Variants in ENOX2 observed in about 807,000 individuals in gnomAD.
ENOX2 encodes the protein ecto-NOX disulfide-thiol exchanger 2.
Under a neutral mutation model 45.0 loss-of-function variants are expected in ENOX2, and 36 were observed. The observed-to-expected ratio is 0.80, with a 90% CI of 0.61 to 1.06. ENOX2 has a LOEUF of 1.06. Among genes scored for constraint, ENOX2 ranks in the 50% least tolerant of loss-of-function variants. The pLI is 0.00. For synonymous variants in ENOX2, 174 were observed against 152.3 expected (o/e 1.14, Z -1.05); for missense variants, 423 against 462.5 (o/e 0.91, Z 0.78).
chrX:130,841,098 G>A (rs962787236), intron 2 of ENOX2, among the ~76,000 whole-genome samples: 3 of 111,616 alleles, frequency 2.7e-5, no homozygotes, highest in Non-Finnish European at 3.8e-5. Flanking sequence ...GGAGAACACG[G>A]TCCTTTTCCT....
Position 130,816,958 on chromosome X carries a change from A to G in ENOX2, c.-182-33268T>C, listed in dbSNP as rs763563083. Among the ~76,000 whole-genome samples the G allele has an allele frequency of 1.9e-3, 218 of 112,026 alleles. 2 individuals are homozygous for G. Among genetic ancestry groups the G allele is most frequent in the African/African-American group, 6.6e-3 (205 of 30,898 alleles). On this transcript the variant is annotated intron_variant, in intron 2 of 14. Transcript: ENST00000394363. ...TAGAGACACAAAAAAACCCTTCAAAAAGAAAATCAATGAATCCAGGAGCTG... is the reference window on the plus strand; with the variant it reads ...TAGAGACACAAAAAAACCCTTCAAAGAGAAAATCAATGAATCCAGGAGCTG...
At chrX:130,813,739 G>A (rs1365905241) in intron 2 of ENOX2, among the ~76,000 whole-genome samples, 5 of 111,873 alleles carry the variant, frequency 4.5e-5, no homozygotes, top group Admixed American at 1.9e-4. Context: ...CTTTTCCCAC[G>A]GTCTTCACAA....
intron 5 of ENOX2, among the ~76,000 whole-genome samples, chrX:130,682,734 T>C (rs751570893): frequency 9.0e-6 from 1 of 111,150 alleles, no homozygotes; most frequent in South Asian, 3.8e-4. Context: ...TGAGGATTTA[T>C]TTATTTTCCT....
intron 2 of ENOX2, among the ~76,000 whole-genome samples, chrX:130,842,360 T>A (rs1321561560): frequency 1.8e-5 from 2 of 112,537 alleles, no homozygotes; most frequent in Non-Finnish European, 3.8e-5. Flanking sequence ...ATTTATTCTT[T>A]TTATGATAAG....
chrX:130,639,835 A>G (rs1322706728), intron 10 of ENOX2, among the ~76,000 whole-genome samples: 3 of 112,392 alleles, frequency 2.7e-5, no homozygotes, highest in Non-Finnish European at 5.6e-5. Context: ...GGACATAACT[A>G]AGGAAATAAT....
At position 130,665,606 on chromosome X, in the gene ENOX2, T is replaced by TC. The variant is rs760816362; in HGVS notation, c.1014+36dup. On this transcript the variant is annotated intron_variant, in intron 9 of 14. Transcript: ENST00000394363. ...AATAACTTGTTAACGAAAGAAACTG[T>TC]CCCCCCAAGGGGCTACCAGAATAAA... 4.2e-4 allele frequency: 404 copies of TC among 960,601 alleles called. 1 individual carries two copies. The highest frequency in any genetic ancestry group is 5.3e-4 in the Non-Finnish European group (363 of 682,083). The allele number at this position is 960,601 out of a possible 1,213,427, so 79.2% of individuals were successfully genotyped here.
At chrX:130,705,890 C>T (rs1384866373) in intron 3 of ENOX2, among the ~76,000 whole-genome samples, 3 of 111,502 alleles carry the variant, frequency 2.7e-5, no homozygotes, top group African/African-American at 6.5e-5. Context: ...AGAGGGTCCC[C>T]GTTTCCCTTT....
rs2036557520 is a variant in ENOX2 at position 130,656,764 on chromosome X, G to A, written c.1015-69C>T. The A allele has an allele frequency of 4.8e-6, 3 of 630,423 alleles. No individual in the cohort carries two copies. In the Admixed American group the frequency reaches 9.1e-5, roughly 19 times the overall value. 52.0% of individuals were successfully genotyped at this position (630,423 alleles called of 1,213,427 possible). On this transcript the variant is annotated intron_variant, in intron 9 of 14. Transcript: ENST00000394363. ...ATGTTGAGGAAATGAATGGAGTTAA[G>A]GATAAGATAAAGCAGCATTTTTTTT...
In ENOX2 at chrX:130,703,405, G is replaced by C. The variant is rs1489866750; in HGVS notation, c.-38-151C>G. ...GGCCTCAATGCCAGCTTTCTTATAA[G>C]GGTTAAAACAACACAGCTTGAACTG... is the stretch of plus-strand genomic sequence containing the variant. On this transcript the variant is annotated intron_variant, in intron 3 of 14. Coordinates refer to ENST00000394363, the MANE Select transcript of ENOX2 (RefSeq NM_006375.4). 1.1e-5 allele frequency: 5 copies of C among 442,707 alleles called. No individual in the cohort carries two copies. The East Asian group carries it at 2.1e-4, about 18-fold the overall frequency. 36.5% of individuals were successfully genotyped at this position (442,707 alleles called of 1,213,427 possible). A position where few individuals can be genotyped will look rare whatever the true frequency, so the allele number is the denominator to read the frequency against.
chrX:130,632,913 G>C (rs2035817365), intron 12 of ENOX2, among the ~76,000 whole-genome samples: 1 of 112,008 alleles, frequency 8.9e-6, no homozygotes, highest in African/African-American at 3.2e-5. Flanking sequence ...ATCTGCTTCT[G>C]ACCCCCTTAA....
chrX:130,660,574 C>T (rs985852049), intron 9 of ENOX2, among the ~76,000 whole-genome samples: 3 of 112,019 alleles, frequency 2.7e-5, no homozygotes, highest in Non-Finnish European at 5.6e-5. Context: ...GAAGAGCAGA[C>T]AGCAAAGGAA....
chrX:130,740,775 T>C (rs1054375010), intron 3 of ENOX2, among the ~76,000 whole-genome samples: 2 of 112,199 alleles, frequency 1.8e-5, no homozygotes, highest in Non-Finnish European at 3.8e-5. Context: ...TTTCATAACA[T>C]TCTGTTCACT....
At chrX:130,791,946 A>G (rs1425489046) in intron 2 of ENOX2, among the ~76,000 whole-genome samples, 1 of 112,523 alleles carries the variant, frequency 8.9e-6, no homozygotes, top group Non-Finnish European at 1.9e-5. Flanking sequence ...ATCAGGTTAC[A>G]TGTCCCATTT....
chrX:130,649,043 C>CAAAAAAA (rs35154919), intron 10 of ENOX2, among the ~76,000 whole-genome samples: 13 of 6,801 alleles, frequency 1.9e-3, no homozygotes, highest in East Asian at 8.6e-3. Flanking sequence ...GACTCCATAT[C>CAAAAAAA]AAAAAAAAAA....
At chrX:130,792,606 A>G (rs1245304144) in intron 2 of ENOX2, among the ~76,000 whole-genome samples, 3 of 111,344 alleles carry the variant, frequency 2.7e-5, no homozygotes, top group Non-Finnish European at 5.7e-5. Context: ...CAGCCTGACC[A>G]ACATGGTGAA....
intron 3 of ENOX2, among the ~76,000 whole-genome samples, chrX:130,744,071 C>T (rs1019718474): frequency 3.6e-5 from 4 of 111,604 alleles, no homozygotes; most frequent in African/African-American, 1.3e-4. Flanking sequence ...TCATGGAATC[C>T]CCATAAGAAC....
At chrX:130,666,769 C>T (rs2036845012) in intron 8 of ENOX2, among the ~76,000 whole-genome samples, 1 of 111,633 alleles carries the variant, frequency 9.0e-6, no homozygotes, top group Admixed American at 9.5e-5. Flanking sequence ...GAGTCAAGTA[C>T]AGGGAAGTCA....
At chrX:130,872,097 G>A (rs1435889799) in intron 2 of ENOX2, among the ~76,000 whole-genome samples, 7 of 111,906 alleles carry the variant, frequency 6.3e-5, no homozygotes. Context: ...CCTTTTATGT[G>A]CAAGAACTAC....
At chrX:130,636,577 G>A (rs765631104) in intron 11 of ENOX2, among the ~76,000 whole-genome samples, 1 of 112,378 alleles carries the variant, frequency 8.9e-6, no homozygotes, top group African/African-American at 3.2e-5. Flanking sequence ...TGATGGTTAC[G>A]TAAAACTCCT....
Sources: gnomAD v4.1 joint callset for allele counts (sites outside exome capture counted in the v4.1 genomes callset) on GRCh38, gnomAD v4.1.1 for gene constraint, MANE v1.5 for transcripts, NCBI Gene and HGNC (gene_info 2026-07-23, HGNC 2026-07-21) for gene names.